Variants in KHDRBS2 observed in about 807,000 individuals in gnomAD.
KHDRBS2 encodes the protein KH RNA binding domain containing, signal transduction associated 2.
A neutral mutation model predicts 44.3 loss-of-function variants in KHDRBS2; 26 were observed. The ratio of observed to expected loss-of-function variants is 0.59; its 90% CI spans 0.43 to 0.81. The LOEUF is 0.81. Among genes scored for constraint, KHDRBS2 ranks in the 40% least tolerant of loss-of-function variants. The probability of loss-of-function intolerance (pLI) is 0.00; values close to 1 mark genes in which losing one functional copy is unlikely to be tolerated. For synonymous variants in KHDRBS2, 194 were observed against 151.1 expected, an observed-to-expected ratio of 1.28 and a Z score of -2.08; for missense variants, 476 against 433.1, an observed-to-expected ratio of 1.10 and a Z score of -0.88.
rs566543474 is a variant in KHDRBS2 at position 62,097,500 on chromosome 6, C to A, written c.220-49506G>T. Among the ~76,000 whole-genome samples the A allele has an allele frequency of 2.0e-4, 30 of 152,050 alleles. No homozygotes were observed. The South Asian group carries it at 4.1e-3, about 21-fold the overall frequency. On this transcript the variant is annotated intron_variant, in intron 2 of 8. Coordinates refer to ENST00000281156, the MANE Select transcript of KHDRBS2 (RefSeq NM_152688.4). Reference sequence around the variant, plus strand: ...TGTAGAATGACCTTGTCTCTTTTTACAGTTTTATATTTAGAGTATATTTTA... The same window carrying A: ...TGTAGAATGACCTTGTCTCTTTTTAAAGTTTTATATTTAGAGTATATTTTA...
chr6:61,773,944 A>C (rs1210658449), intron 6 of KHDRBS2, among the ~76,000 whole-genome samples: 2 of 152,094 alleles, frequency 1.3e-5, no homozygotes, highest in Non-Finnish European at 2.9e-5. Flanking sequence ...GTCAAAGATC[A>C]GATAGTTGTA....
chr6:61,910,404 AT>A (rs1438836795), intron 4 of KHDRBS2, among the ~76,000 whole-genome samples: 1 of 152,196 alleles, frequency 6.6e-6, no homozygotes, highest in African/African-American at 2.4e-5. Flanking sequence ...TATAAAACTT[AT>A]TCATCAAGGA....
chr6:61,572,012 G>T, the KHDRBS2 span, among the ~76,000 whole-genome samples: 1 of 151,834 alleles, frequency 6.6e-6, no homozygotes, highest in Non-Finnish European at 1.5e-5. Flanking sequence ...AAATACAAAA[G>T]ATAAATGAAA....
chr6:61,687,488 C>G (rs887486901), intron 8 of KHDRBS2, among the ~76,000 whole-genome samples: 1 of 151,762 alleles, frequency 6.6e-6, no homozygotes, highest in Admixed American at 6.6e-5. Context: ...ATCTTCCTTT[C>G]AGACCCATAG....
chr6:61,598,832 CTTTTCTT>C, the KHDRBS2 span, among the ~76,000 whole-genome samples: 2 of 27,544 alleles, frequency 7.3e-5, no homozygotes, highest in Non-Finnish European at 1.5e-4. Flanking sequence ...GTCCTTTTTT[CTTTTCTT>C]TTTTTTTTTT....
At chr6:61,783,347 G>C (rs951550068) in intron 6 of KHDRBS2, among the ~76,000 whole-genome samples, 1 of 152,034 alleles carries the variant, frequency 6.6e-6, no homozygotes, top group Non-Finnish European at 1.5e-5. Context: ...TTCTATAAGA[G>C]GTACAAGTCC....
intron 2 of KHDRBS2, among the ~76,000 whole-genome samples, chr6:62,133,250 A>G (rs1448797992): frequency 6.6e-6 from 1 of 151,974 alleles, no homozygotes; most frequent in Admixed American, 6.5e-5. Flanking sequence ...TTCCCACGTG[A>G]TGTGGGAGAG....
At chr6:61,718,708 G>T (rs1465297461) in intron 7 of KHDRBS2, among the ~76,000 whole-genome samples, 1 of 152,060 alleles carries the variant, frequency 6.6e-6, no homozygotes, top group African/African-American at 2.4e-5. Flanking sequence ...AGAGGTCTCA[G>T]TTCCTGTCAG....
intron 2 of KHDRBS2, among the ~76,000 whole-genome samples, chr6:62,138,660 T>C (rs561416395): frequency 6.6e-6 from 1 of 152,250 alleles, no homozygotes; most frequent in African/African-American, 2.4e-5. Context: ...ATCTAGGAGG[T>C]TGATTAAACC....
intron 6 of KHDRBS2, among the ~76,000 whole-genome samples, chr6:61,784,562 A>G (rs1349368483): frequency 6.6e-6 from 1 of 152,086 alleles, no homozygotes; most frequent in East Asian, 1.9e-4. Flanking sequence ...CATCTTCCAA[A>G]TAATAACTGG....
intron 4 of KHDRBS2, among the ~76,000 whole-genome samples, chr6:61,968,331 G>T (rs1409500191): frequency 2.0e-5 from 3 of 151,884 alleles, no homozygotes; most frequent in Non-Finnish European, 4.4e-5. Flanking sequence ...TCCAACATAT[G>T]ATATGTTCAT....
chr6:62,254,764 C>A (rs1837101430), intron 1 of KHDRBS2, among the ~76,000 whole-genome samples: 1 of 152,004 alleles, frequency 6.6e-6, no homozygotes, highest in Admixed American at 6.6e-5. Context: ...ATTCTAACTG[C>A]AACAAGCAGT....
Position 61,795,169 on chromosome 6 carries a change from AAG to A in KHDRBS2, c.811-62407_811-62406del, listed in dbSNP as rs539628621. Among the ~76,000 whole-genome samples, 586 of 149,040 alleles carry A rather than the reference AAG, an allele frequency of 3.9e-3. 40 individuals carry two copies. The highest frequency in any genetic ancestry group is 0.014 in the African/African-American group (567 of 39,202). Reference sequence around the variant, plus strand: ...CAAAAAAAAAAAAAAAAAAAAAAAAAAGAAAAACATATTTTAGTTTTTCTACA... The same window carrying A: ...CAAAAAAAAAAAAAAAAAAAAAAAAAAAAAACATATTTTAGTTTTTCTACA... On this transcript the variant is annotated intron_variant, in intron 6 of 8. Coordinates refer to ENST00000281156, the MANE Select transcript of KHDRBS2 (RefSeq NM_152688.4).
rs115041147 is a variant in KHDRBS2 at position 61,955,801 on chromosome 6, C to T, written c.483+22265G>A. ...GGCATTTACTAAGTATTTTTAAGTG[C>T]CAATCATGTATTTCAATGCTCAGAA... On this transcript the variant is annotated intron_variant, in intron 4 of 8. Transcript: ENST00000281156. Among the ~76,000 whole-genome samples the T allele has an allele frequency of 8.2e-3, 1,249 of 151,856 alleles. 10 individuals carry two copies. Among genetic ancestry groups the T allele is most frequent in the Non-Finnish European group, 0.011 (779 of 67,936 alleles).
intron 3 of KHDRBS2, among the ~76,000 whole-genome samples, chr6:62,042,633 A>T (rs1236230075): frequency 6.6e-6 from 1 of 152,074 alleles, no homozygotes; most frequent in Non-Finnish European, 1.5e-5. Flanking sequence ...GCCAGATGAG[A>T]GATGGCTGGT....
At chr6:62,045,693 T>G (rs62416708) in intron 3 of KHDRBS2, among the ~76,000 whole-genome samples, 4 of 152,000 alleles carry the variant, frequency 2.6e-5, no homozygotes, top group African/African-American at 9.7e-5. Context: ...TATACACTTT[T>G]ATTGCACAAT....
chr6:62,188,408 G>T (rs886743217), intron 1 of KHDRBS2, among the ~76,000 whole-genome samples: 1 of 152,062 alleles, frequency 6.6e-6, no homozygotes, highest in African/African-American at 2.4e-5. Flanking sequence ...TGTAGCGATT[G>T]TCCTTCTGTG....
Position 61,955,675 on chromosome 6 carries a change from CATAT to C in KHDRBS2, c.483+22387_483+22390del, listed in dbSNP as rs1328160815. Among the ~76,000 whole-genome samples the C allele has an allele frequency of 1.0e-3, 146 of 145,502 alleles. 3 individuals are homozygous for C. The highest frequency in any genetic ancestry group is 3.5e-3 in the African/African-American group (134 of 38,420). On this transcript the variant is annotated intron_variant, in intron 4 of 8. Coordinates refer to ENST00000281156, the MANE Select transcript of KHDRBS2 (RefSeq NM_152688.4). Reference sequence around the variant, plus strand: ...GTATGCATATATGTGTATATGTACACATATGTATGTATACATATATGTGTATATA... The same window carrying C: ...GTATGCATATATGTGTATATGTACACGTATGTATACATATATGTGTATATA...
intron 2 of KHDRBS2, among the ~76,000 whole-genome samples, chr6:62,105,734 G>C (rs1251062445): frequency 1.3e-5 from 2 of 151,970 alleles, no homozygotes; most frequent in African/African-American, 4.8e-5. Flanking sequence ...ACCAGCTCCT[G>C]GATTCATTAA....
Sources: gnomAD v4.1 joint callset for allele counts (sites outside exome capture counted in the v4.1 genomes callset) on GRCh38, gnomAD v4.1.1 for gene constraint, MANE v1.5 for transcripts, NCBI Gene and HGNC (gene_info 2026-07-23, HGNC 2026-07-21) for gene names.